CC2D2B: variants seen among roughly 807,000 people sequenced by gnomAD.
The protein encoded by CC2D2B is coiled-coil and C2 domain containing 2B.
A neutral mutation model predicts 161.2 loss-of-function variants in CC2D2B; 128 were observed. That is an observed-to-expected ratio of 0.79 (90% CI 0.69 to 0.92). The LOEUF (loss-of-function observed/expected upper bound fraction) is 0.92. Among genes scored for constraint, CC2D2B ranks in the 40% least tolerant of loss-of-function variants. CC2D2B has a pLI of 0.00. For missense variants in CC2D2B, 1,173 were observed against 1,375.1 expected, an observed-to-expected ratio of 0.85 and a Z score of 2.32; for synonymous variants, 391 against 449.8, an observed-to-expected ratio of 0.87 and a Z score of 1.65.
chr10:95,994,894 A>ATT (rs956047288), intron 22 of CC2D2B, among the ~76,000 whole-genome samples: 7 of 152,180 alleles, frequency 4.6e-5, no homozygotes, highest in African/African-American at 1.7e-4. Flanking sequence ...TATTTTCCTT[A>ATT]TTACACTGCA....
At chr10:95,947,107 ATATATATT>A (rs1221332620) in intron 9 of CC2D2B, among the ~76,000 whole-genome samples, 30 of 37,990 alleles carry the variant, frequency 7.9e-4, no homozygotes, top group African/African-American at 3.6e-3. Context: ...ATATATATAT[ATATATATT>A]TTTTTTTTTT....
intron 19 of CC2D2B, among the ~76,000 whole-genome samples, chr10:95,987,323 CA>C (rs145348920): frequency 0.05 from 6,881 of 138,648 alleles, 234 homozygotes; most frequent in South Asian, 0.13. Flanking sequence ...GACTCTGTCT[CA>C]AAAAAAAAAA....
chr10:95,956,150 T>C (rs1013742455), intron 11 of CC2D2B, among the ~76,000 whole-genome samples: 2 of 152,176 alleles, frequency 1.3e-5, no homozygotes, highest in African/African-American at 4.8e-5. Flanking sequence ...CAGATTGGCA[T>C]TGGCACCAAA....
Position 95,995,303 on chromosome 10 carries a change from A to G in CC2D2B, c.2677A>G (p.Ile893Val), listed in dbSNP as rs986028180. ...LDMPTCLKSSISCLRHRETIK... is the reference protein window; with the variant it reads ...LDMPTCLKSSVSCLRHRETIK... ...TATGCCTACTTGTTTGAAATCATCT[A>G]TATCTTGCCTCAGACATAGAGAAAC... Residue 893 changes from isoleucine (I) to valine (V), a missense_variant, in exon 23 of 35, where the codon ATA becomes GTA. By Grantham distance (29) the Ile-to-Val change is conservative (BLOSUM62 3). Coordinates refer to ENST00000646931, the MANE Select transcript of CC2D2B (RefSeq NM_001349008.3). The G allele has an allele frequency of 2.0e-5, 30 of 1,532,538 alleles. No homozygotes were observed. The highest frequency in any genetic ancestry group is 6.0e-5 in the South Asian group (5 of 83,382). 94.9% of individuals were successfully genotyped at this position (1,532,538 alleles called of 1,614,324 possible).
chr10:96,012,611 T>G lies in CC2D2B; in HGVS notation c.3308T>G (p.Ile1103Ser), dbSNP rs200135967. Residue 1103 changes from isoleucine (I) to serine (S), a missense_variant, in exon 28 of 35, where the codon ATC becomes AGC. This residue lies in a region of CC2D2B where 598 missense variants were observed against 693.2 expected (regional missense o/e 0.86). Coordinates refer to ENST00000646931, the MANE Select transcript of CC2D2B (RefSeq NM_001349008.3). ...NCKAMFPNRR[I>S]VTTVFNDEGI... ...AAGGCAATGTTTCCCAACCGAAGAA[T>G]CGTAACTACTGTTTTTAATGATGAA... 1 of 1,612,664 alleles carries G rather than the reference T, an allele frequency of 6.2e-7. No homozygotes were observed. Among genetic ancestry groups the G allele is most frequent in the African/African-American group, 1.3e-5 (1 of 75,012 alleles).
chr10:95,940,090 A>C (rs2075970285), intron 9 of CC2D2B, among the ~76,000 whole-genome samples: 1 of 152,174 alleles, frequency 6.6e-6, no homozygotes, highest in African/African-American at 2.4e-5. Context: ...GGAAACTTGC[A>C]GTCATGGTGG....
rs1590936640 is a variant in CC2D2B at position 96,025,193 on chromosome 10, ATATATATATATATAT to A, written c.3947+283_3947+297del. ...TATATATATATATATATAAAAAAAA[ATATATATATATATAT>A]ATATATATATATAGCTGGGCATGAT... On this transcript the variant is annotated intron_variant, in intron 33 of 34. Transcript: ENST00000646931. Among the ~76,000 whole-genome samples the A allele has an allele frequency of 5.5e-5, 3 of 54,772 alleles. 1 individual carries two copies. Among genetic ancestry groups the A allele is most frequent in the African/African-American group, 3.1e-4 (3 of 9,554 alleles). 35.9% of individuals were successfully genotyped at this position (54,772 alleles called of 152,430 possible). A position where few individuals can be genotyped will look rare whatever the true frequency, so the allele number is the denominator to read the frequency against.
chr10:95,963,164 A>G (rs1298407607), intron 12 of CC2D2B, among the ~76,000 whole-genome samples: 1 of 152,184 alleles, frequency 6.6e-6, no homozygotes, highest in Non-Finnish European at 1.5e-5. Flanking sequence ...CAGCTGGGGT[A>G]GCCCCAGTGA....
At chr10:95,969,363 AC>A (rs1304326857) in intron 15 of CC2D2B, among the ~76,000 whole-genome samples, 1 of 151,940 alleles carries the variant, frequency 6.6e-6, no homozygotes. Flanking sequence ...CACACAAAAG[AC>A]CCCCAGTCTC....
Position 96,027,378 on chromosome 10 carries a change from C to T in CC2D2B, c.4114C>T (p.Gln1372Ter). Residue 1372 changes from glutamine to a stop codon, truncating the protein, a stop_gained, in exon 34 of 35, where the codon CAA becomes TAA. Transcript: ENST00000646931. LOFTEE classifies it high-confidence loss of function. ...AGATAATGAATTTGAAAGAATACTACAATTTTATTGGGTTTGTATATGATT... is the reference window on the plus strand; with the variant it reads ...AGATAATGAATTTGAAAGAATACTATAATTTTATTGGGTTTGTATATGATT... Reference protein sequence around the residue: ...EGDNEFERILQFYWVTGFPIQ... With the variant: ...EGDNEFERIL 6.5e-7 allele frequency: 1 copy of T among 1,544,294 alleles called. No homozygotes were observed. Among genetic ancestry groups the T allele is most frequent in the East Asian group, 2.5e-5 (1 of 40,784 alleles).
intron 11 of CC2D2B, among the ~76,000 whole-genome samples, chr10:95,958,679 G>A (rs1023948328): frequency 6.6e-6 from 1 of 151,914 alleles, no homozygotes; most frequent in Non-Finnish European, 1.5e-5. Context: ...CTTGTAGATA[G>A]GACAATGTAA....
chr10:96,033,595 C>A lies in CC2D2B; in HGVS notation c.*1587C>A, dbSNP rs1191760025. On this transcript the variant is annotated 3_prime_UTR_variant, in exon 35 of 35. Transcript: ENST00000646931. ...TGTACAGCTTTGAATATTTACATAG[C>A]TATTTTATTTGTTGTTCAGGGTTTT... Among the ~76,000 whole-genome samples, 4 of 152,094 alleles carry A rather than the reference C, an allele frequency of 2.6e-5. No homozygotes were observed. The highest frequency in any genetic ancestry group is 9.7e-5 in the African/African-American group (4 of 41,424).
intron 24 of CC2D2B, among the ~76,000 whole-genome samples, chr10:95,997,252 T>C (rs75688110): frequency 0.014 from 2,122 of 152,356 alleles, 29 homozygotes; most frequent in Non-Finnish European, 0.022. Context: ...TTGATGAACA[T>C]TGGTCTTTTT....
chr10:95,929,647 T>C (rs904456850), intron 6 of CC2D2B, among the ~76,000 whole-genome samples: 4 of 152,186 alleles, frequency 2.6e-5, no homozygotes, highest in Admixed American at 1.3e-4. Context: ...ATTGATTAAA[T>C]AGGGAATCTT....
At position 95,972,099 on chromosome 10, in the gene CC2D2B, G is replaced by C; in HGVS notation, c.1678G>C (p.Ala560Pro). Reference sequence around the variant, plus strand: ...AAAAAGTAAAAGGACAAGCTTACTGGCAAAACTATATATACCTTTACCTAA... The same window carrying C: ...AAAAAGTAAAAGGACAAGCTTACTGCCAAAACTATATATACCTTTACCTAA... ...YEKSKRTSLL[A>P]KLYIPLPNYT... Residue 560 changes from alanine to proline, a missense_variant, in exon 16 of 35, where the codon GCA becomes CCA. Physicochemically the swap from Ala to Pro is conservative, Grantham distance 27. Around this residue, in one of 3 missense-constraint regions of CC2D2B, gnomAD observed 277 missense variants for 420.6 expected, o/e 0.66. Transcript: ENST00000646931. The C allele has an allele frequency of 8.1e-7, 1 of 1,230,152 alleles. No homozygotes were observed. Among genetic ancestry groups the C allele is most frequent in the Non-Finnish European group, 1.0e-6 (1 of 986,250 alleles). 76.2% of individuals were successfully genotyped at this position (1,230,152 alleles called of 1,614,324 possible).
At chr10:95,924,897 G>C (rs1590361849) in intron 5 of CC2D2B, 53 bp downstream of exon 5, 2 of 1,106,628 alleles carry the variant, frequency 1.8e-6, no homozygotes, top group Middle Eastern at 2.0e-4. Context: ...TGGAAGTATA[G>C]TTTACATAGC....
chr10:95,934,884 G>T, intron 6 of CC2D2B, among the ~76,000 whole-genome samples: 1 of 151,952 alleles, frequency 6.6e-6, no homozygotes, highest in East Asian at 1.9e-4. Context: ...GTTTTGTTTT[G>T]TTTTGAGATG....
At chr10:96,025,184 T>TATATAAAAAA (rs2079683102) in intron 33 of CC2D2B, among the ~76,000 whole-genome samples, 1 of 20,650 alleles carries the variant, frequency 4.8e-5, no homozygotes, top group Non-Finnish European at 9.6e-5. Context: ...TATATATATA[T>TATATAAAAAA]AAAAAAAAAT....
intron 32 of CC2D2B, among the ~76,000 whole-genome samples, chr10:96,022,316 T>C (rs2079503103): frequency 6.6e-6 from 1 of 150,934 alleles, no homozygotes; most frequent in African/African-American, 2.4e-5. Context: ...AATGAGACTC[T>C]GTCAAAGAAA....
Sources: allele counts gnomAD v4.1 joint callset (sites outside exome capture counted in the v4.1 genomes callset), GRCh38; gene constraint gnomAD v4.1.1; regional missense constraint gnomAD v4.1.1; transcripts MANE v1.5; gene names NCBI Gene and HGNC (gene_info 2026-07-23, HGNC 2026-07-21).